The following ASTN2 variants were observed in gnomAD, a reference collection of about 807,000 sequenced individuals.
The protein encoded by ASTN2 is astrotactin-2.
A neutral mutation model predicts 139.8 loss-of-function variants in ASTN2; 54 were observed. The observed-to-expected ratio is 0.39, with a 90% CI of 0.31 to 0.48. ASTN2 has a LOEUF of 0.48. Ranked by LOEUF, ASTN2 falls within the 20% of genes least tolerant of loss-of-function variation. The probability of loss-of-function intolerance (pLI) is 0.95; values close to 1 mark genes in which losing one functional copy is unlikely to be tolerated. For synonymous variants in ASTN2, 756 were observed against 719.5 expected, an observed-to-expected ratio of 1.05 and a Z score of -0.81; for missense variants, 1,565 against 1,725.1, an observed-to-expected ratio of 0.91 and a Z score of 1.64.
chr9:117,061,146 T>TATTTATTG (rs1564407284), intron 5 of ASTN2, among the ~76,000 whole-genome samples: 1 of 122,990 alleles, frequency 8.1e-6, no homozygotes, highest in Non-Finnish European at 1.6e-5. Context: ...GTCTTTTATT[T>TATTTATTG]ATTTATTTAT....
At chr9:116,609,345 C>T (rs1482813559) in intron 19 of ASTN2, among the ~76,000 whole-genome samples, 2 of 135,144 alleles carry the variant, frequency 1.5e-5, no homozygotes, top group South Asian at 2.6e-4. Context: ...TATATACACA[C>T]ACACACATAT....
intron 5 of ASTN2, among the ~76,000 whole-genome samples, chr9:117,069,907 G>T (rs1207420576): frequency 5.1e-5 from 2 of 39,312 alleles, no homozygotes; most frequent in African/African-American, 2.0e-4. Flanking sequence ...GTGTGTCTCT[G>T]CATGTGAGAT....
intron 19 of ASTN2, among the ~76,000 whole-genome samples, chr9:116,544,051 A>T (rs771697927): frequency 2.6e-5 from 4 of 152,178 alleles, no homozygotes; most frequent in Non-Finnish European, 4.4e-5. Flanking sequence ...GCAATGTCCA[A>T]ATTCCCTGCA....
intron 1 of ASTN2, among the ~76,000 whole-genome samples, chr9:117,325,840 AATC>A (rs1564147474): frequency 6.6e-6 from 1 of 152,170 alleles, no homozygotes. Flanking sequence ...GGTCCTTAAT[AATC>A]ATCTAATCCA....
chr9:117,234,759 C>CT lies in ASTN2; in HGVS notation c.631-20018dup, dbSNP rs149554026. On this transcript the variant is annotated intron_variant, in intron 2 of 22. Coordinates refer to ENST00000313400, the MANE Select transcript of ASTN2 (RefSeq NM_001365068.1). ...GTCAAGGCTGAGAGAGGATGAGAGC[C>CT]TTTTCTAGGTCAGGCACGATTAGTG... is the stretch of plus-strand genomic sequence containing the variant. Among the ~76,000 whole-genome samples the CT allele has an allele frequency of 8.8e-3, 1,347 of 152,266 alleles. 28 individuals carry two copies. Among genetic ancestry groups the CT allele is most frequent in the African/African-American group, 0.031 (1,299 of 41,562 alleles).
At position 116,699,754 on chromosome 9, in the gene ASTN2, CTTAGTTCTTGGTTG is replaced by C. The variant is rs1861081185; in HGVS notation, c.2806+26003_2806+26016del. On this transcript the variant is annotated intron_variant, in intron 16 of 22. Transcript: ENST00000313400. The surrounding 1 kb of genome is among the most constrained non-coding windows in gnomAD (Gnocchi z 4.2). ...CTGCTCCCAAGCCAACTTCCCTTCC[CTTAGTTCTTGGTTG>C]TTAGTGGCACATGCAGAATAGACTC... The C allele has an allele frequency of 4.3e-6, 7 of 1,613,428 alleles. No homozygotes were observed. The highest frequency in any genetic ancestry group is 5.1e-6 in the Non-Finnish European group (6 of 1,179,758).
chr9:116,639,994 G>A (rs558534547), intron 17 of ASTN2, among the ~76,000 whole-genome samples: 1 of 152,126 alleles, frequency 6.6e-6, no homozygotes, highest in South Asian at 2.1e-4. Context: ...TCAGCTGTCG[G>A]TATAAGGCTG....
At chr9:116,827,979 G>C (rs889700316) in intron 11 of ASTN2, among the ~76,000 whole-genome samples, 1 of 152,170 alleles carries the variant, frequency 6.6e-6, no homozygotes, top group Non-Finnish European at 1.5e-5. Flanking sequence ...GATGAATATA[G>C]ATGTTAGTAT....
At chr9:116,993,381 G>T (rs531127527) in intron 7 of ASTN2, among the ~76,000 whole-genome samples, 1 of 151,694 alleles carries the variant, frequency 6.6e-6, no homozygotes, top group African/African-American at 2.4e-5. Context: ...CACCTTTTCG[G>T]TTGTGCCTGT....
intron 19 of ASTN2, among the ~76,000 whole-genome samples, chr9:116,563,406 TAAAAATA>T (rs1207032817): frequency 6.6e-6 from 1 of 150,566 alleles, no homozygotes; most frequent in African/African-American, 2.5e-5. Context: ...AAAATAAAAA[TAAAAATA>T]AAAAAATTAT....
chr9:117,055,225 TGTAA>T (rs1296843675), intron 5 of ASTN2, among the ~76,000 whole-genome samples: 3 of 152,158 alleles, frequency 2.0e-5, no homozygotes, highest in Admixed American at 6.5e-5. Flanking sequence ...ACAACAAAAA[TGTAA>T]GTAAGTACCT....
At chr9:116,489,963 G>A (rs922984518) in intron 19 of ASTN2, among the ~76,000 whole-genome samples, 2 of 152,076 alleles carry the variant, frequency 1.3e-5, no homozygotes, top group Non-Finnish European at 2.9e-5. Flanking sequence ...ATTCCACCAT[G>A]GGCTGCAAGT....
intron 11 of ASTN2, among the ~76,000 whole-genome samples, chr9:116,823,259 G>A (rs888875166): frequency 6.6e-6 from 1 of 152,212 alleles, no homozygotes; most frequent in Non-Finnish European, 1.5e-5. Flanking sequence ...GCGGAGGAGA[G>A]GGTCACACAG....
intron 5 of ASTN2, among the ~76,000 whole-genome samples, chr9:117,048,149 G>C (rs1335301639): frequency 6.6e-6 from 1 of 152,150 alleles, no homozygotes; most frequent in African/African-American, 2.4e-5. Context: ...GATGTAGCCT[G>C]GGCAGAGCAG....
intron 12 of ASTN2, among the ~76,000 whole-genome samples, chr9:116,817,977 C>T (rs1831378608): frequency 6.6e-6 from 1 of 152,060 alleles, no homozygotes; most frequent in Non-Finnish European, 1.5e-5. Context: ...AACCACAATA[C>T]CTAAGTTTCA....
chr9:116,819,482 AG>A (rs1276366060), intron 12 of ASTN2, among the ~76,000 whole-genome samples: 1 of 152,198 alleles, frequency 6.6e-6, no homozygotes, highest in Non-Finnish European at 1.5e-5. Context: ...AGGGCAGGAA[AG>A]GAGACCTTGA....
At chr9:116,462,574 T>C (rs887445359) in intron 20 of ASTN2, among the ~76,000 whole-genome samples, 4 of 152,168 alleles carry the variant, frequency 2.6e-5, no homozygotes, top group Admixed American at 2.0e-4. Flanking sequence ...ATAAAGAATG[T>C]CTGAAATGAA....
At chr9:116,899,829 C>G (rs1833963774) in intron 10 of ASTN2, among the ~76,000 whole-genome samples, 1 of 152,160 alleles carries the variant, frequency 6.6e-6, no homozygotes. Flanking sequence ...GCATATAACA[C>G]TACTGTTGTA....
At chr9:116,527,970 C>A (rs936434790) in intron 19 of ASTN2, among the ~76,000 whole-genome samples, 2 of 152,136 alleles carry the variant, frequency 1.3e-5, no homozygotes, top group Non-Finnish European at 2.9e-5. Flanking sequence ...AGTACCCAAT[C>A]TTAGGTAGTT....
Sources: gnomAD v4.1 joint callset for allele counts (sites outside exome capture counted in the v4.1 genomes callset) on GRCh38, gnomAD v4.1.1 for gene constraint, Gnocchi (gnomAD v3.1) non-coding constraint, MANE v1.5 for transcripts, NCBI Gene and HGNC (gene_info 2026-07-23, HGNC 2026-07-21) for gene names.